Variants in DMD observed in about 807,000 individuals in gnomAD.
DMD encodes the protein mutant dystrophin.
Under a neutral mutation model 330.1 loss-of-function variants are expected in DMD, and 63 were observed. The ratio of observed to expected loss-of-function variants is 0.19; its 90% CI spans 0.16 to 0.24. The LOEUF (loss-of-function observed/expected upper bound fraction) is 0.24. Among genes scored for constraint, DMD ranks in the 10% least tolerant of loss-of-function variants. DMD has a pLI of 1.00. For synonymous variants in DMD, 1,223 were observed against 959.8 expected (o/e 1.27, Z -5.07); for missense variants, 3,344 against 2,684.1 (o/e 1.25, Z -5.43).
intron 60 of DMD, among the ~76,000 whole-genome samples, chrX:31,416,092 AT>A: frequency 8.9e-6 from 1 of 112,206 alleles, no homozygotes; most frequent in East Asian, 2.8e-4. Context: ...ATAGTTGGAT[AT>A]TTTATATGTG....
At chrX:32,120,880 C>A (rs1018067972) in intron 44 of DMD, among the ~76,000 whole-genome samples, 3 of 112,194 alleles carry the variant, frequency 2.7e-5, no homozygotes, top group Non-Finnish European at 3.8e-5. Context: ...AGCAACCAAA[C>A]CCTTGCTTCT....
chrX:31,814,210 G>A (rs972166631), intron 50 of DMD, among the ~76,000 whole-genome samples: 3 of 109,798 alleles, frequency 2.7e-5, no homozygotes, highest in Admixed American at 9.8e-5. Flanking sequence ...GGCCGGGCGC[G>A]GTGGCTCACG....
chrX:32,057,663 T>C lies in DMD; in HGVS notation c.6439-89149A>G, dbSNP rs149768178. Among the ~76,000 whole-genome samples, 632 of 111,477 alleles carry C rather than the reference T, an allele frequency of 5.7e-3. 3 individuals are homozygous for C. The highest frequency in any genetic ancestry group is 0.019 in the African/African-American group (594 of 30,880). ...CTGATGTGTCATTTAAAAGTCTATA[T>C]ATCCAAACCATCTACAGATACAGTG... On this transcript the variant is annotated intron_variant, in intron 44 of 78. Coordinates refer to ENST00000357033, the MANE Select transcript of DMD (RefSeq NM_004006.3).
chrX:32,582,092 C>T (rs1004409778), intron 13 of DMD, among the ~76,000 whole-genome samples: 1 of 111,523 alleles, frequency 9.0e-6, no homozygotes, highest in African/African-American at 3.3e-5. Flanking sequence ...TATTAAAGTT[C>T]TTCCCTCTGA....
intron 2 of DMD, among the ~76,000 whole-genome samples, chrX:32,904,411 G>C (rs1942839382): frequency 9.0e-6 from 1 of 111,305 alleles, no homozygotes; most frequent in South Asian, 3.8e-4. Context: ...GTAGTAGAGA[G>C]GAAGATAGGT....
chrX:32,105,537 C>T (rs1309045216), intron 44 of DMD, among the ~76,000 whole-genome samples: 6 of 111,619 alleles, frequency 5.4e-5, no homozygotes, highest in African/African-American at 1.6e-4. Flanking sequence ...CATTTTATTG[C>T]CCATATGATA....
intron 44 of DMD, among the ~76,000 whole-genome samples, chrX:32,104,566 G>T (rs1336385583): frequency 9.0e-6 from 1 of 111,264 alleles, no homozygotes; most frequent in African/African-American, 3.3e-5. Context: ...GAAATGAAAT[G>T]AATAGATCTC....
intron 36 of DMD, 83 bp downstream of exon 36, chrX:32,364,499 C>T (rs979429171): frequency 3.3e-5 from 35 of 1,054,769 alleles, no homozygotes; most frequent in Non-Finnish European, 3.8e-5. Flanking sequence ...CTTATTAAGA[C>T]GTCCTTAGTA....
chrX:31,162,356 T>TAAAAAAAAAAAAAAAAA (rs57908991), intron 74 of DMD, among the ~76,000 whole-genome samples: 1 of 50,613 alleles, frequency 2.0e-5, no homozygotes, highest in African/African-American at 6.6e-5. Flanking sequence ...ATGAAAAATC[T>TAAAAAAAAAAAAAAAAA]AAAAAAAAAA....
intron 1 of DMD, among the ~76,000 whole-genome samples, chrX:33,274,751 G>C (rs1315089855): frequency 3.6e-5 from 4 of 111,723 alleles, no homozygotes; most frequent in Non-Finnish European, 1.9e-5. Context: ...CTACTGATGG[G>C]ATCTGCCATC....
chrX:31,444,381 T>C (rs1907958390), intron 60 of DMD, 100 bp downstream of exon 60: 4 of 941,989 alleles, frequency 4.2e-6, no homozygotes, highest in Non-Finnish European at 4.6e-6. Context: ...AATATTACCA[T>C]GAACATTACA....
rs149585830 is a variant in DMD, at chrX:31,178,218, T to C, written c.10224-248A>G. 180 of 751,527 alleles carry C rather than the reference T, an allele frequency of 2.4e-4. No homozygotes were observed. The African/African-American group carries it at 3.8e-3, about 16-fold the overall frequency. 61.9% of individuals were successfully genotyped at this position (751,527 alleles called of 1,213,427 possible). ...CGTCCCCTTTGATCTTGAGAATCATTACTACTTACTGTGAAGTAGTTTCCT... is the reference window on the plus strand; with the variant it reads ...CGTCCCCTTTGATCTTGAGAATCATCACTACTTACTGTGAAGTAGTTTCCT... On this transcript the variant is annotated intron_variant, in intron 70 of 78. Coordinates refer to ENST00000357033, the MANE Select transcript of DMD (RefSeq NM_004006.3).
rs180713403 is a variant in DMD at position 32,653,908 on chromosome X, C to T, written c.961-8756G>A. 3.8e-3 allele frequency among the ~76,000 whole-genome samples: 422 copies of T among 111,665 alleles called. 5 individuals are homozygous for T. Among genetic ancestry groups the T allele is most frequent in the Admixed American group, 0.03 (315 of 10,486 alleles). On this transcript the variant is annotated intron_variant, in intron 9 of 78. Coordinates refer to ENST00000357033, the MANE Select transcript of DMD (RefSeq NM_004006.3). ...AAGTTGGATTCCTAGGTATTTTATT[C>T]TCTTTGAAGCAATTGTGAATGGAGT...
At chrX:31,362,672 C>T (rs759935423) in intron 60 of DMD, among the ~76,000 whole-genome samples, 26 of 113,171 alleles carry the variant, frequency 2.3e-4, no homozygotes, top group African/African-American at 4.8e-4. Context: ...AGGCCGGGTG[C>T]GGTGGCTCAG....
chrX:31,448,579 C>T (rs2065458099), intron 59 of DMD, among the ~76,000 whole-genome samples: 1 of 112,254 alleles, frequency 8.9e-6, no homozygotes, highest in Non-Finnish European at 1.9e-5. Flanking sequence ...AACACTACAC[C>T]TAAAATGTCA....
intron 2 of DMD, among the ~76,000 whole-genome samples, chrX:32,941,900 T>G (rs764550685): frequency 8.9e-5 from 10 of 111,806 alleles, no homozygotes; most frequent in Admixed American, 2.9e-4. Flanking sequence ...CAATATTTCT[T>G]CCAACTTGAA....
At chrX:32,196,065 T>C (rs1368749434) in intron 44 of DMD, among the ~76,000 whole-genome samples, 3 of 112,387 alleles carry the variant, frequency 2.7e-5, no homozygotes, top group African/African-American at 9.7e-5. Context: ...ACATTTATAT[T>C]TGATGGTATT....
chrX:33,134,166 C>T (rs756339279), intron 1 of DMD, among the ~76,000 whole-genome samples: 8 of 111,547 alleles, frequency 7.2e-5, no homozygotes, highest in Non-Finnish European at 1.5e-4. Flanking sequence ...TATTATTTTA[C>T]CCAGCCTCCT....
chrX:31,148,138 T>A (rs2036955778), intron 74 of DMD, among the ~76,000 whole-genome samples: 1 of 111,810 alleles, frequency 8.9e-6, no homozygotes, highest in South Asian at 3.8e-4. Flanking sequence ...CTGAATTTCA[T>A]GCCCAGTGTT....
Sources: allele counts gnomAD v4.1 joint callset (sites outside exome capture counted in the v4.1 genomes callset), GRCh38; gene constraint gnomAD v4.1.1; transcripts MANE v1.5; gene names NCBI Gene and HGNC (gene_info 2026-07-23, HGNC 2026-07-21).